SH3YL1: variants seen among roughly 807,000 people sequenced by gnomAD.
SH3YL1 encodes SH3 domain-containing YSC84-like protein 1.
SH3YL1 carries 41 observed loss-of-function variants against 45.8 expected under a neutral mutation model. The ratio of observed to expected loss-of-function variants is 0.89; its 90% CI spans 0.70 to 1.16. The LOEUF (loss-of-function observed/expected upper bound fraction) is 1.16, where lower values mean the gene tolerates loss of function less well. Among genes scored for constraint, SH3YL1 ranks in the 50% most tolerant of loss-of-function variants. SH3YL1 has a pLI of 0.00. For missense variants in SH3YL1, 389 were observed against 409.6 expected, an observed-to-expected ratio of 0.95 and a Z score of 0.43; for synonymous variants, 152 against 151.4, an observed-to-expected ratio of 1.00 and a Z score of -0.03.
chr2:247,536 A>G lies in SH3YL1; in HGVS notation c.291+2T>C. 1.3e-6 allele frequency: 2 copies of G among 1,550,986 alleles called. No homozygotes were observed. The highest frequency in any genetic ancestry group is 1.7e-6 in the Non-Finnish European group (2 of 1,146,418). The stretch of plus-strand genomic sequence containing the variant: ...TTGTATGGACGTGCACAAGCTACTT[A>G]CCTCAATTCCTATTTCAAATCCTCC... On this transcript the variant is annotated splice_donor_variant, in intron 4 of 9. Coordinates refer to ENST00000356150, the MANE Select transcript of SH3YL1 (RefSeq NM_015677.4). LOFTEE classifies it high-confidence loss of function.
chr2:219,263 T>C (rs1667479929), intron 9 of SH3YL1, among the ~76,000 whole-genome samples: 1 of 152,202 alleles, frequency 6.6e-6, no homozygotes, highest in African/African-American at 2.4e-5. Flanking sequence ...AACTTACATT[T>C]TTTCTATTTT....
intron 4 of SH3YL1, among the ~76,000 whole-genome samples, chr2:247,109 C>T (rs770221604): frequency 6.6e-6 from 1 of 152,218 alleles, no homozygotes; most frequent in Non-Finnish European, 1.5e-5. Context: ...TTCTTCTTTA[C>T]TTAAAGAATG....
At chr2:231,971 G>A (rs894537179) in intron 6 of SH3YL1, among the ~76,000 whole-genome samples, 4 of 152,028 alleles carry the variant, frequency 2.6e-5, no homozygotes, top group African/African-American at 4.8e-5. Flanking sequence ...GCTTTGTCTC[G>A]GATAGTGGCG....
intron 4 of SH3YL1, among the ~76,000 whole-genome samples, chr2:234,718 T>C (rs904851394): frequency 1.3e-5 from 2 of 152,256 alleles, no homozygotes; most frequent in African/African-American, 2.4e-5. Flanking sequence ...ACGATGGTGC[T>C]GAAGGTCCTG....
At chr2:233,483 A>T (rs1024807943) in intron 5 of SH3YL1, among the ~76,000 whole-genome samples, 6 of 152,366 alleles carry the variant, frequency 3.9e-5, no homozygotes, top group Admixed American at 2.0e-4. Context: ...GAAAAAGAAT[A>T]CAGTGCAGCA....
At chr2:262,782 T>C in intron 1 of SH3YL1, 1 of 1,088,402 alleles carries the variant, frequency 9.2e-7, no homozygotes, top group African/African-American at 1.7e-5. Flanking sequence ...GAGAATAAAG[T>C]TTTCCTAAAC....
At chr2:239,418 T>A (rs982913125) in intron 4 of SH3YL1, 1 of 152,162 alleles carries the variant, frequency 6.6e-6, no homozygotes, top group African/African-American at 2.4e-5. Context: ...ATACACCACG[T>A]GGAAGGTACG....
At chr2:242,032 TTTCTC>T (rs1325576887) in intron 4 of SH3YL1, 4 of 152,084 alleles carry the variant, frequency 2.6e-5, no homozygotes, top group African/African-American at 4.8e-5. Context: ...GTTCTTCTCT[TTTCTC>T]TTAATTGGTT....
intron 4 of SH3YL1, chr2:241,316 A>G (rs2103037024): frequency 6.6e-6 from 1 of 152,288 alleles, no homozygotes; most frequent in South Asian, 2.1e-4. Flanking sequence ...TGAGCACGCA[A>G]AATAAAGAAC....
chr2:229,000 C>T (rs151205053), intron 8 of SH3YL1, among the ~76,000 whole-genome samples: 1,583 of 152,334 alleles, frequency 0.01, 65 homozygotes, highest in Admixed American at 0.087. Context: ...TCCTCTTGTT[C>T]TGAAAGTCCT....
At chr2:262,907 A>G in intron 1 of SH3YL1, 1 of 315,866 alleles carries the variant, frequency 3.2e-6, no homozygotes, top group South Asian at 2.8e-5. Context: ...CTTTAAACAG[A>G]ACATTAGTGA....
chr2:229,512 G>A (rs905167056), intron 8 of SH3YL1, among the ~76,000 whole-genome samples: 3 of 151,828 alleles, frequency 2.0e-5, no homozygotes, highest in African/African-American at 4.8e-5. Context: ...GGCAGATCAC[G>A]AGGTCAGGAG....
intron 1 of SH3YL1, 31 bp downstream of exon 1, chr2:263,953 C>G (rs1283730428): frequency 6.7e-7 from 1 of 1,498,278 alleles, no homozygotes; most frequent in Admixed American, 2.1e-5. Flanking sequence ...GGGGAGGGTG[C>G]TGCCGGACAG....
chr2:262,760 G>A, intron 1 of SH3YL1: 2 of 1,160,980 alleles, frequency 1.7e-6, no homozygotes, highest in African/African-American at 1.6e-5. Flanking sequence ...TCTGCGGAAT[G>A]AGAAATCTCT....
At chr2:219,798 T>A (rs1303657318) in intron 9 of SH3YL1, among the ~76,000 whole-genome samples, 1 of 152,156 alleles carries the variant, frequency 6.6e-6, no homozygotes, top group Non-Finnish European at 1.5e-5. Context: ...TCAGCAGACA[T>A]TTCTTCTCCC....
chr2:260,696 T>A (rs1290356185), intron 1 of SH3YL1: 1 of 152,254 alleles, frequency 6.6e-6, no homozygotes, highest in African/African-American at 2.4e-5. Context: ...ACCAGCAACA[T>A]CTTTTTCTGT....
At chr2:258,281 C>A (rs1035661297) in intron 1 of SH3YL1, among the ~76,000 whole-genome samples, 7 of 152,086 alleles carry the variant, frequency 4.6e-5, no homozygotes, top group African/African-American at 1.4e-4. Context: ...TCTTCCTATC[C>A]TTGAACAAGG....
intron 1 of SH3YL1, among the ~76,000 whole-genome samples, chr2:255,257 T>A (rs1162489996): frequency 6.6e-6 from 1 of 152,180 alleles, no homozygotes; most frequent in African/African-American, 2.4e-5. Context: ...AATATAAATA[T>A]CTCCAATAAA....
chr2:240,629 CT>C (rs2103036236), intron 4 of SH3YL1: 1 of 152,302 alleles, frequency 6.6e-6, no homozygotes, highest in Non-Finnish European at 1.5e-5. Flanking sequence ...ACAATTTTAA[CT>C]GGATCAAACT....
Sources: allele counts gnomAD v4.1 joint callset (sites outside exome capture counted in the v4.1 genomes callset), GRCh38; gene constraint gnomAD v4.1.1; transcripts MANE v1.5; gene names NCBI Gene and HGNC (gene_info 2026-07-23, HGNC 2026-07-21).